Variants in LRRTM4 observed in about 807,000 individuals in gnomAD.
LRRTM4 encodes the protein leucine-rich repeat transmembrane neuronal protein 4.
In LRRTM4, 25 loss-of-function variants were observed where a neutral mutation model predicts 47.6. The ratio of observed to expected loss-of-function variants is 0.53; its 90% CI spans 0.38 to 0.73. LRRTM4 has a LOEUF of 0.73. Ranked by LOEUF, LRRTM4 falls within the 30% of genes least tolerant of loss-of-function variation. The pLI is 0.00. For missense variants in LRRTM4, 638 were observed against 713.4 expected (o/e 0.89, Z 1.20); for synonymous variants, 311 against 269.5 (o/e 1.15, Z -1.51).
Position 77,082,206 on chromosome 2 carries a change from T to C in LRRTM4, c.1552-333290A>G, listed in dbSNP as rs146273763. 5.3e-4 allele frequency among the ~76,000 whole-genome samples: 80 copies of C among 152,260 alleles called. No individual in the cohort carries two copies. The East Asian group carries it at 8.5e-3, about 16-fold the overall frequency. ...TTCTTCATGTAAAATTCCAGGAGTA[T>C]TGATGTGCCCTTTTGGATTTTGATT... On this transcript the variant is annotated intron_variant, in intron 3 of 3. Coordinates refer to ENST00000409884, the MANE Select transcript of LRRTM4 (RefSeq NM_001134745.3).
chr2:76,970,139 C>T (rs1246390459), intron 3 of LRRTM4, among the ~76,000 whole-genome samples: 1 of 151,896 alleles, frequency 6.6e-6, no homozygotes, highest in Admixed American at 6.6e-5. Context: ...ACAATACAAT[C>T]TTCCTTCCAT....
chr2:76,962,397 C>A (rs907188203), intron 3 of LRRTM4, among the ~76,000 whole-genome samples: 10 of 150,942 alleles, frequency 6.6e-5, no homozygotes, highest in African/African-American at 2.4e-4. Flanking sequence ...TTTTCTCATG[C>A]CTCAATTTTT....
chr2:77,477,820 C>T (rs1194738460), intron 3 of LRRTM4, among the ~76,000 whole-genome samples: 1 of 108,242 alleles, frequency 9.2e-6, no homozygotes, highest in Non-Finnish European at 1.8e-5. Flanking sequence ...GCCTGCGCAA[C>T]AAGGCTGGAG....
At chr2:77,301,780 T>C (rs1677139277) in intron 3 of LRRTM4, among the ~76,000 whole-genome samples, 1 of 152,156 alleles carries the variant, frequency 6.6e-6, no homozygotes, top group African/African-American at 2.4e-5. Context: ...TCCTATTCTC[T>C]TTATATTAAA....
intron 3 of LRRTM4, among the ~76,000 whole-genome samples, chr2:76,922,379 T>A (rs1164214007): frequency 6.6e-6 from 1 of 151,982 alleles, no homozygotes; most frequent in African/African-American, 2.4e-5. Flanking sequence ...AGAGAGAGCG[T>A]GCACAAAGTG....
At chr2:76,787,723 T>G (rs1321774964) in intron 3 of LRRTM4, among the ~76,000 whole-genome samples, 2 of 152,088 alleles carry the variant, frequency 1.3e-5, no homozygotes, top group Non-Finnish European at 2.9e-5. Context: ...TGGGACTTGT[T>G]TTGCAACTAT....
chr2:76,982,104 A>G (rs1301615507), intron 3 of LRRTM4, among the ~76,000 whole-genome samples: 1 of 152,050 alleles, frequency 6.6e-6, no homozygotes, highest in African/African-American at 2.4e-5. Flanking sequence ...ATACTCTACT[A>G]TGTGTCCATG....
At chr2:77,242,463 C>CAAA (rs1675296291) in intron 3 of LRRTM4, among the ~76,000 whole-genome samples, 1 of 152,040 alleles carries the variant, frequency 6.6e-6, no homozygotes, top group Non-Finnish European at 1.5e-5. Flanking sequence ...AAAACTCCTA[C>CAAA]AACTCAACCA....
chr2:77,026,579 C>G (rs1246159961), intron 3 of LRRTM4, among the ~76,000 whole-genome samples: 1 of 151,982 alleles, frequency 6.6e-6, no homozygotes, highest in Non-Finnish European at 1.5e-5. Flanking sequence ...ATTTTGGTAT[C>G]AGATTCCATT....
At chr2:77,435,562 G>A (rs1675557125) in intron 3 of LRRTM4, among the ~76,000 whole-genome samples, 1 of 152,038 alleles carries the variant, frequency 6.6e-6, no homozygotes, top group African/African-American at 2.4e-5. Context: ...GTCATGCAAA[G>A]TCATACCGAA....
At chr2:77,082,647 A>G (rs1282806540) in intron 3 of LRRTM4, among the ~76,000 whole-genome samples, 1 of 151,742 alleles carries the variant, frequency 6.6e-6, no homozygotes, top group African/African-American at 2.4e-5. Context: ...ATACATGAAT[A>G]TATTTGAATT....
chr2:77,362,101 GAA>G, intron 3 of LRRTM4, among the ~76,000 whole-genome samples: 1 of 136,326 alleles, frequency 7.3e-6, no homozygotes, highest in Non-Finnish European at 1.6e-5. Context: ...AAAGGAAAAG[GAA>G]AGAAAGAAAG....
At chr2:77,295,229 C>T (rs995380230) in intron 3 of LRRTM4, among the ~76,000 whole-genome samples, 4 of 152,074 alleles carry the variant, frequency 2.6e-5, no homozygotes, top group Admixed American at 2.6e-4. Flanking sequence ...TTTAAGAACA[C>T]ACCTACAGTA....
chr2:77,031,283 A>T (rs1007312121), intron 3 of LRRTM4, among the ~76,000 whole-genome samples: 2 of 152,138 alleles, frequency 1.3e-5, no homozygotes, highest in Non-Finnish European at 2.9e-5. Context: ...TTAAGAATGG[A>T]CTTCCAAATG....
chr2:77,472,757 G>A (rs570006397), intron 3 of LRRTM4, among the ~76,000 whole-genome samples: 30 of 152,258 alleles, frequency 2.0e-4, no homozygotes, highest in African/African-American at 7.0e-4. Context: ...CAGTGCTAAG[G>A]TGTGAAACCA....
chr2:77,041,133 G>A (rs996890892), intron 3 of LRRTM4, among the ~76,000 whole-genome samples: 5 of 151,414 alleles, frequency 3.3e-5, no homozygotes, highest in African/African-American at 1.2e-4. Flanking sequence ...ACTTCTGTTA[G>A]ATCAACTTTA....
At chr2:77,483,616 C>T (rs966778465) in intron 3 of LRRTM4, among the ~76,000 whole-genome samples, 2 of 152,204 alleles carry the variant, frequency 1.3e-5, no homozygotes, top group African/African-American at 4.8e-5. Context: ...GCTGGGATTA[C>T]AGGCGTGAGC....
intron 3 of LRRTM4, among the ~76,000 whole-genome samples, chr2:77,206,034 G>A (rs564615277): frequency 6.6e-6 from 1 of 152,030 alleles, no homozygotes; most frequent in African/African-American, 2.4e-5. Context: ...TAGAGGCAGG[G>A]TATCACTATG....
At chr2:76,782,963 G>A (rs1159019545) in intron 3 of LRRTM4, among the ~76,000 whole-genome samples, 2 of 152,080 alleles carry the variant, frequency 1.3e-5, no homozygotes, top group African/African-American at 4.8e-5. Flanking sequence ...TTCAAAGATT[G>A]TAGATTTCTT....
Sources: allele counts gnomAD v4.1 joint callset (sites outside exome capture counted in the v4.1 genomes callset), GRCh38; gene constraint gnomAD v4.1.1; transcripts MANE v1.5; gene names NCBI Gene and HGNC (gene_info 2026-07-23, HGNC 2026-07-21).